Variants in EYA4 observed in about 807,000 individuals in gnomAD.
The protein encoded by EYA4 is EYA transcriptional coactivator and phosphatase 4.
Under a neutral mutation model 87.9 loss-of-function variants are expected in EYA4, and 31 were observed. The observed-to-expected ratio is 0.35, with a 90% confidence interval of 0.27 to 0.48. The LOEUF is 0.48. Among genes scored for constraint, EYA4 ranks in the 20% least tolerant of loss-of-function variants. The pLI, the probability that EYA4 is intolerant of heterozygous loss-of-function variation, is 0.99. For synonymous variants in EYA4, 263 were observed against 270.6 expected (o/e 0.97, Z 0.28); for missense variants, 678 against 761.4 (o/e 0.89, Z 1.29).
chr6:133,293,056 C>G (rs1282403832), intron 2 of EYA4, among the ~76,000 whole-genome samples: 1 of 152,172 alleles, frequency 6.6e-6, no homozygotes, highest in African/African-American at 2.4e-5. Flanking sequence ...CAATGTATTC[C>G]CGTGGTCTCT....
intron 17 of EYA4, among the ~76,000 whole-genome samples, chr6:133,521,970 TGGGGGGA>T (rs1800196117): frequency 1.3e-5 from 1 of 79,624 alleles, no homozygotes; most frequent in Admixed American, 1.5e-4. Flanking sequence ...TGTTGTGGGG[TGGGGGGA>T]GGGGGGAGGG....
At chr6:133,453,743 G>A (rs563924829) in intron 5 of EYA4, 1 of 152,068 alleles carries the variant, frequency 6.6e-6, no homozygotes, top group African/African-American at 2.4e-5. Context: ...ACATTAACAT[G>A]TACCACTTCC....
At chr6:133,399,840 T>C (rs549764660) in intron 3 of EYA4, among the ~76,000 whole-genome samples, 1 of 152,312 alleles carries the variant, frequency 6.6e-6, no homozygotes, top group African/African-American at 2.4e-5. Context: ...TTGTTTAATG[T>C]CAGTGTATAA....
At chr6:133,318,989 A>G (rs1158509610) in intron 2 of EYA4, among the ~76,000 whole-genome samples, 1 of 152,224 alleles carries the variant, frequency 6.6e-6, no homozygotes, top group Non-Finnish European at 1.5e-5. Flanking sequence ...ATAGGAGGCC[A>G]CATTTACAGC....
intron 2 of EYA4, among the ~76,000 whole-genome samples, chr6:133,285,802 G>T (rs1778012130): frequency 6.6e-6 from 1 of 152,208 alleles, no homozygotes; most frequent in Non-Finnish European, 1.5e-5. Context: ...TATGGATTAT[G>T]ATAGAAAGAA....
intron 2 of EYA4, among the ~76,000 whole-genome samples, chr6:133,368,443 A>T (rs1254220560): frequency 6.6e-6 from 1 of 152,222 alleles, no homozygotes; most frequent in Non-Finnish European, 1.5e-5. Flanking sequence ...TCTTGAGCTC[A>T]TAAGCATTTT....
At chr6:133,274,616 A>G in intron 1 of EYA4, 100 bp from the exon 2 acceptor site, 1 of 646,208 alleles carries the variant, frequency 1.5e-6, no homozygotes, top group Non-Finnish European at 2.8e-6. Flanking sequence ...TGCTCCTACA[A>G]GTTACTAATT....
chr6:133,358,004 C>T (rs1055388159), intron 2 of EYA4, among the ~76,000 whole-genome samples: 11 of 151,942 alleles, frequency 7.2e-5, no homozygotes, highest in East Asian at 3.9e-4. Flanking sequence ...CTAAGTCTTG[C>T]TACGGTATAA....
At chr6:133,280,722 T>A (rs1777553452) in intron 2 of EYA4, among the ~76,000 whole-genome samples, 2 of 152,318 alleles carry the variant, frequency 1.3e-5, no homozygotes, top group African/African-American at 4.8e-5. Context: ...GATGTCATTC[T>A]CATACAATAC....
rs138781598 is a variant in EYA4 at position 133,426,344 on chromosome 6, G to A, written c.84-20286G>A. On this transcript the variant is annotated intron_variant, in intron 3 of 19. Transcript: ENST00000355286. The stretch of plus-strand genomic sequence containing the variant: ...TCAAATTATGGTGCTCAATAAATAC[G>A]AATAAATGAACATGTGACTGAAATA... 4.6e-5 allele frequency among the ~76,000 whole-genome samples: 7 copies of A among 152,252 alleles called. No individual in the cohort carries two copies. In the East Asian group the frequency reaches 1.2e-3, roughly 25 times the overall value.
At chr6:133,346,449 T>C (rs1463950438) in intron 2 of EYA4, among the ~76,000 whole-genome samples, 1 of 152,224 alleles carries the variant, frequency 6.6e-6, no homozygotes, top group African/African-American at 2.4e-5. Flanking sequence ...ATAGAATTAA[T>C]ACCAATCCAA....
chr6:133,461,563 A>G (rs1794386894), intron 7 of EYA4, among the ~76,000 whole-genome samples: 1 of 152,180 alleles, frequency 6.6e-6, no homozygotes, highest in Admixed American at 6.6e-5. Flanking sequence ...TATAACTAAT[A>G]TAGTCACTTT....
At chr6:133,327,699 A>G (rs772202377) in intron 2 of EYA4, among the ~76,000 whole-genome samples, 1 of 152,196 alleles carries the variant, frequency 6.6e-6, no homozygotes, top group Non-Finnish European at 1.5e-5. Context: ...TGTACAAGGG[A>G]TTAGTGATGC....
intron 1 of EYA4, among the ~76,000 whole-genome samples, chr6:133,260,072 AT>A (rs1775672833): frequency 6.6e-6 from 1 of 151,500 alleles, no homozygotes; most frequent in Non-Finnish European, 1.5e-5. Flanking sequence ...TTGTGTGTAT[AT>A]TTTTTTCGTG....
chr6:133,511,037 C>T (rs538621287), intron 14 of EYA4, among the ~76,000 whole-genome samples: 2 of 152,244 alleles, frequency 1.3e-5, no homozygotes, highest in Admixed American at 6.5e-5. Context: ...AACTTACTAA[C>T]CCTGTAATTT....
chr6:133,337,269 G>C (rs1425932632), intron 2 of EYA4, among the ~76,000 whole-genome samples: 1 of 152,158 alleles, frequency 6.6e-6, no homozygotes, highest in African/African-American at 2.4e-5. Context: ...CCTGATAGCA[G>C]AAAATGTGAT....
intron 3 of EYA4, among the ~76,000 whole-genome samples, chr6:133,385,382 A>C (rs1467951844): frequency 8.0e-6 from 1 of 124,322 alleles, no homozygotes. Flanking sequence ...GTGTGTATGT[A>C]TGCTCTCTCT....
At chr6:133,351,088 A>G (rs1331611068) in intron 2 of EYA4, among the ~76,000 whole-genome samples, 2 of 146,060 alleles carry the variant, frequency 1.4e-5, no homozygotes, top group South Asian at 2.2e-4. Context: ...GGAGTGTTAA[A>G]CCTGTTTGAG....
chr6:133,374,871 T>C (rs545865867), intron 2 of EYA4, among the ~76,000 whole-genome samples: 2 of 152,222 alleles, frequency 1.3e-5, no homozygotes, highest in East Asian at 3.9e-4. Flanking sequence ...TTAAAAGTTT[T>C]GTATTATTTA....
Sources: gnomAD v4.1 joint callset for allele counts (sites outside exome capture counted in the v4.1 genomes callset) on GRCh38, gnomAD v4.1.1 for gene constraint, MANE v1.5 for transcripts, NCBI Gene and HGNC (gene_info 2026-07-23, HGNC 2026-07-21) for gene names.